PLET1: variants seen among roughly 807,000 people sequenced by gnomAD.
PLET1 encodes the protein placenta expressed transcript 1, also known as placenta-expressed transcript 1 protein.
A neutral mutation model predicts 18.5 loss-of-function variants in PLET1; 20 were observed. The observed-to-expected ratio is 1.08, with a 90% CI of 0.76 to 1.57. The LOEUF is 1.57. Ranked by LOEUF, PLET1 falls within the 40% of genes most tolerant of loss-of-function variation. The pLI, the probability that PLET1 is intolerant of heterozygous loss-of-function variation, is 0.00. For synonymous variants in PLET1, 93 were observed against 93.8 expected (o/e 0.99, Z 0.05); for missense variants, 256 against 246.4 (o/e 1.04, Z -0.26).
intron 1 of PLET1, 113 bp downstream of exon 1, chr11:112,260,293 C>T: frequency 1.8e-6 from 2 of 1,095,062 alleles, no homozygotes; most frequent in Non-Finnish European, 1.3e-6. Context: ...CCATTTGGTT[C>T]AGAAGACACA....
intron 2 of PLET1, among the ~76,000 whole-genome samples, chr11:112,254,637 TG>T (rs1481879612): frequency 5.9e-5 from 3 of 50,878 alleles, no homozygotes; most frequent in Admixed American, 4.7e-4. Context: ...TGAGTGTGTG[TG>T]GTGTGTGGTG....
At chr11:112,249,285 G>A (rs1449907633) in intron 3 of PLET1, among the ~76,000 whole-genome samples, 5 of 152,152 alleles carry the variant, frequency 3.3e-5, no homozygotes, top group South Asian at 2.1e-4. Flanking sequence ...TTGTTGGGGT[G>A]GGTAGTCTCC....
rs931580187 is a variant in PLET1 at position 112,260,787 on chromosome 11, G to A, written c.-198C>T. 1.3e-5 allele frequency: 7 copies of A among 537,554 alleles called. No homozygotes were observed. Among genetic ancestry groups the A allele is most frequent in the Admixed American group, 3.5e-5 (1 of 28,666 alleles). The allele number at this position is 537,554 out of a possible 1,614,324, so 33.3% of individuals were successfully genotyped here. On this transcript the variant is annotated 5_prime_UTR_variant, in exon 1 of 4. Transcript: ENST00000338832. ...TCACCAGTCACCATTACCTGTCACC[G>A]ATGATTTTGCAAATTGCAGTTTTGC...
intron 3 of PLET1, among the ~76,000 whole-genome samples, chr11:112,249,999 G>A (rs1330309939): frequency 6.7e-6 from 1 of 149,912 alleles, no homozygotes; most frequent in Non-Finnish European, 1.5e-5. Flanking sequence ...AAGGAAGAAG[G>A]GGAATGTCCA....
rs749201155 is a variant in PLET1 at position 112,254,948 on chromosome 11, GGT to G, written c.386+438_386+439del. ...GTGTGTGTGCTGTGAGCGTGTGTGT[GGT>G]GTGTGTGATATGTATGTGAGTGTGG... On this transcript the variant is annotated intron_variant, in intron 2 of 3. Transcript: ENST00000338832. 2.5e-3 allele frequency among the ~76,000 whole-genome samples: 320 copies of G among 129,262 alleles called. 2 individuals are homozygous for G. Among genetic ancestry groups the G allele is most frequent in the African/African-American group, 9.2e-3 (308 of 33,456 alleles). 84.8% of individuals were successfully genotyped at this position (129,262 alleles called of 152,430 possible). A position where few individuals can be genotyped will look rare whatever the true frequency, so the allele number is the denominator to read the frequency against.
At chr11:112,258,518 A>G (rs1227292800) in intron 1 of PLET1, among the ~76,000 whole-genome samples, 1 of 152,104 alleles carries the variant, frequency 6.6e-6, no homozygotes, top group Non-Finnish European at 1.5e-5. Flanking sequence ...TCTTGAGCTC[A>G]AGCAATTTGC....
chr11:112,258,041 C>T (rs1319369529), intron 1 of PLET1, among the ~76,000 whole-genome samples: 2 of 152,148 alleles, frequency 1.3e-5, no homozygotes, highest in Non-Finnish European at 2.9e-5. Flanking sequence ...CAGCACATTT[C>T]TGTTTTAAAA....
chr11:112,256,425 A>T (rs2135418655), intron 1 of PLET1, among the ~76,000 whole-genome samples: 1 of 152,306 alleles, frequency 6.6e-6, no homozygotes, highest in South Asian at 2.1e-4. Context: ...CTGGATCTGA[A>T]TTCTGACTAT....
At position 112,252,365 on chromosome 11, in the gene PLET1, A is replaced by G; in HGVS notation, c.431T>C (p.Leu144Pro). The G allele has an allele frequency of 6.4e-7, 1 of 1,551,354 alleles. No individual in the cohort carries two copies. The change falls in exon 3 of 4, where the codon CTG becomes CCG. Residue 144 changes from leucine to proline, a missense_variant. By Grantham distance (98) the Leu-to-Pro change is moderately conservative. Coordinates refer to ENST00000338832, the MANE Select transcript of PLET1 (RefSeq NM_001145024.1). ...GAACTCACGTTTTTCTCTTAGCTTC[A>G]GAGTAGAAAGTATAGGCAGCGCTCT... ...QIRALPILST[L>P]KLREKLSTLA...
chr11:112,249,100 A>T, intron 3 of PLET1, 126 bp from the exon 4 acceptor site: 2 of 869,150 alleles, frequency 2.3e-6, no homozygotes, highest in Non-Finnish European at 3.5e-6. Context: ...TCATGAGCAA[A>T]ATTCAATCAA....
chr11:112,250,092 TC>T lies in PLET1; in HGVS notation c.449-1119del, dbSNP rs143508763. ...GTAGCATTGTCTAATCTTTAGCACTTCCCCAGGCCAAATGTTTCTCTGGCAT... is the reference window on the plus strand; with the variant it reads ...GTAGCATTGTCTAATCTTTAGCACTTCCCAGGCCAAATGTTTCTCTGGCAT... On this transcript the variant is annotated intron_variant, in intron 3 of 3. Transcript: ENST00000338832. Among the ~76,000 whole-genome samples the T allele has an allele frequency of 9.4e-3, 1,420 of 151,104 alleles. 31 individuals carry two copies. Among genetic ancestry groups the T allele is most frequent in the African/African-American group, 0.032 (1,324 of 41,318 alleles).
At chr11:112,258,352 C>T (rs563088177) in intron 1 of PLET1, among the ~76,000 whole-genome samples, 15 of 146,748 alleles carry the variant, frequency 1.0e-4, no homozygotes, top group African/African-American at 3.5e-4. Context: ...GACGTGGTCT[C>T]GGCTCACTGC....
intron 1 of PLET1, among the ~76,000 whole-genome samples, chr11:112,258,308 G>T (rs1438117815): frequency 3.8e-4 from 47 of 123,656 alleles, no homozygotes; most frequent in African/African-American, 1.3e-3. Flanking sequence ...TTTTGAGATA[G>T]AGTCTTGCTC....
Position 112,260,638 on chromosome 11 carries a change from A to T in PLET1, c.-49T>A. The stretch of plus-strand genomic sequence containing the variant: ...CTAGGCCTGGAATTGGGTGAAACTG[A>T]CAACTCACCTCTTGTTTATATGCCA... On this transcript the variant is annotated 5_prime_UTR_variant, in exon 1 of 4. Transcript: ENST00000338832. 1.4e-6 allele frequency: 2 copies of T among 1,472,440 alleles called. No homozygotes were observed. Among genetic ancestry groups the T allele is most frequent in the Non-Finnish European group, 1.8e-6 (2 of 1,086,850 alleles). 91.2% of individuals were successfully genotyped at this position (1,472,440 alleles called of 1,614,324 possible). A position where few individuals can be genotyped will look rare whatever the true frequency, so the allele number is the denominator to read the frequency against.
chr11:112,254,220 A>G (rs2904871), intron 2 of PLET1, among the ~76,000 whole-genome samples: 145,249 of 147,504 alleles, frequency 0.98, 71,498 homozygotes, highest in Non-Finnish European at 1. Flanking sequence ...TGTGTGTGTG[A>G]AAAGGGGGTA....
chr11:112,252,366 G>A lies in PLET1; in HGVS notation c.430C>T (p.Leu144=). ...QIRALPILST[L]KLREKLSTLA... is the part of the protein sequence containing the mutation. ...AACTCACGTTTTTCTCTTAGCTTCA[G>A]AGTAGAAAGTATAGGCAGCGCTCTG... The change falls in exon 3 of 4, where the codon CTG becomes TTG. Residue 144 remains leucine, a synonymous_variant. Transcript: ENST00000338832. 6.4e-7 allele frequency: 1 copy of A among 1,551,332 alleles called. No homozygotes were observed. Among genetic ancestry groups the A allele is most frequent in the African/African-American group, 1.4e-5 (1 of 73,152 alleles).
chr11:112,256,084 T>C (rs1355349570), intron 1 of PLET1, among the ~76,000 whole-genome samples: 1 of 152,200 alleles, frequency 6.6e-6, no homozygotes, highest in Admixed American at 6.5e-5. Context: ...CTTTTTGTGG[T>C]CCCAGAAATG....
At chr11:112,250,220 C>CTTTTTTTTTTTTTTT (rs33963716) in intron 3 of PLET1, among the ~76,000 whole-genome samples, 5 of 49,860 alleles carry the variant, frequency 1.0e-4, no homozygotes, top group Admixed American at 3.9e-4. Context: ...AGAAACAAAC[C>CTTTTTTTTTTTTTTT]TTTTTTTTTT....
chr11:112,259,295 C>T (rs1038983441), intron 1 of PLET1, among the ~76,000 whole-genome samples: 6 of 152,230 alleles, frequency 3.9e-5, no homozygotes, highest in South Asian at 2.1e-4. Context: ...TAAGTAGCTC[C>T]GGGACCTGAG....
Sources: allele counts gnomAD v4.1 joint callset (sites outside exome capture counted in the v4.1 genomes callset), GRCh38; gene constraint gnomAD v4.1.1; transcripts MANE v1.5; gene names NCBI Gene and HGNC (gene_info 2026-07-23, HGNC 2026-07-21).